CREB5: variants seen among roughly 807,000 people sequenced by gnomAD.
CREB5 encodes cAMP responsive element binding protein 5.
CREB5 carries 19 observed loss-of-function variants against 57.1 expected under a neutral mutation model. The ratio of observed to expected loss-of-function variants is 0.33; its 90% CI spans 0.23 to 0.49. The LOEUF (loss-of-function observed/expected upper bound fraction) is 0.49. Ranked by LOEUF, CREB5 falls within the 20% of genes least tolerant of loss-of-function variation. CREB5 has a pLI of 0.99. For synonymous variants in CREB5, 238 were observed against 238.3 expected (o/e 1.00, Z 0.01); for missense variants, 579 against 671.6 (o/e 0.86, Z 1.52).
chr7:28,634,535 A>G (rs868457349), intron 5 of CREB5, among the ~76,000 whole-genome samples: 11 of 152,236 alleles, frequency 7.2e-5, no homozygotes, highest in Middle Eastern at 6.8e-3. Flanking sequence ...GATGGCCACA[A>G]TTTCTCATGT....
At chr7:28,809,671 C>T (rs1470529632) in intron 9 of CREB5, among the ~76,000 whole-genome samples, 1 of 152,232 alleles carries the variant, frequency 6.6e-6, no homozygotes, top group Non-Finnish European at 1.5e-5. Flanking sequence ...GGTGGGAGAA[C>T]AGGCTTTAAT....
intron 1 of CREB5, among the ~76,000 whole-genome samples, chr7:28,482,711 G>GC (rs1190505612): frequency 6.6e-6 from 1 of 152,132 alleles, no homozygotes; most frequent in Non-Finnish European, 1.5e-5. Context: ...TAAAATTCAA[G>GC]CCCCCCTTTC....
At chr7:28,507,980 G>C (rs530331352) in intron 4 of CREB5, among the ~76,000 whole-genome samples, 1 of 152,176 alleles carries the variant, frequency 6.6e-6, no homozygotes, top group East Asian at 1.9e-4. Flanking sequence ...GTTTTACTTT[G>C]CTAAGTATTT....
intron 1 of CREB5, among the ~76,000 whole-genome samples, chr7:28,382,472 C>T (rs1418086841): frequency 6.6e-6 from 1 of 152,078 alleles, no homozygotes; most frequent in African/African-American, 2.4e-5. Flanking sequence ...TCTGAGTACC[C>T]CTTAACTCAG....
At chr7:28,304,249 T>G (rs192920197) in intron 1 of CREB5, among the ~76,000 whole-genome samples, 1 of 152,302 alleles carries the variant, frequency 6.6e-6, no homozygotes, top group East Asian at 1.9e-4. Context: ...CAAACTATTA[T>G]TTAAATAAAT....
intron 1 of CREB5, among the ~76,000 whole-genome samples, chr7:28,446,903 T>G (rs1789506739): frequency 6.6e-6 from 1 of 152,220 alleles, no homozygotes; most frequent in African/African-American, 2.4e-5. Flanking sequence ...CTAGATTGTG[T>G]GTATTGAAGT....
chr7:28,777,487 C>T (rs1014294105), intron 7 of CREB5, among the ~76,000 whole-genome samples: 7 of 152,138 alleles, frequency 4.6e-5, no homozygotes, highest in Non-Finnish European at 7.4e-5. Flanking sequence ...AAAAATACCA[C>T]CTGGTCTAAA....
chr7:28,448,302 T>C (rs1401715397), intron 1 of CREB5, among the ~76,000 whole-genome samples: 1 of 152,242 alleles, frequency 6.6e-6, no homozygotes. Flanking sequence ...AGTTAATACT[T>C]AATAAAGTTC....
intron 7 of CREB5, among the ~76,000 whole-genome samples, chr7:28,796,815 C>A (rs1025423638): frequency 6.6e-6 from 1 of 152,134 alleles, no homozygotes; most frequent in Non-Finnish European, 1.5e-5. Flanking sequence ...GCACATGGCG[C>A]TAAGTGGTTT....
intron 1 of CREB5, among the ~76,000 whole-genome samples, chr7:28,337,434 T>C (rs1785846173): frequency 6.6e-6 from 1 of 152,150 alleles, no homozygotes; most frequent in Admixed American, 6.5e-5. Context: ...TTGACTCCTT[T>C]ATCATTATAT....
At chr7:28,551,833 CTTTCTTTCTTTTTCTTTCTTTCT>C (rs1395806195) in intron 4 of CREB5, among the ~76,000 whole-genome samples, 2 of 149,028 alleles carry the variant, frequency 1.3e-5, no homozygotes, top group East Asian at 2.0e-4. Flanking sequence ...TTCTTTCTTT[CTTTCTTTCTTTTTCTTTCTTTCT>C]TTTCTTTCTT....
chr7:28,548,654 C>A (rs902288838), intron 4 of CREB5, among the ~76,000 whole-genome samples: 1 of 152,178 alleles, frequency 6.6e-6, no homozygotes, highest in African/African-American at 2.4e-5. Context: ...AATTTTCAAG[C>A]CATTGGAATC....
chr7:28,664,862 C>T (rs1799757870), intron 5 of CREB5, among the ~76,000 whole-genome samples: 1 of 152,140 alleles, frequency 6.6e-6, no homozygotes. Context: ...GTAGTGTATT[C>T]TCCCAGAAGT....
chr7:28,486,132 G>T (rs1791535853), intron 1 of CREB5, among the ~76,000 whole-genome samples: 1 of 152,098 alleles, frequency 6.6e-6, no homozygotes, highest in Non-Finnish European at 1.5e-5. Context: ...GTGAAAGCTG[G>T]ATAATTGTGA....
At chr7:28,566,904 G>T (rs1258471344) in intron 4 of CREB5, among the ~76,000 whole-genome samples, 1 of 152,188 alleles carries the variant, frequency 6.6e-6, no homozygotes, top group East Asian at 1.9e-4. Context: ...TGATGAAGGA[G>T]AGTGTTGGAT....
intron 7 of CREB5, among the ~76,000 whole-genome samples, chr7:28,729,106 G>A (rs1803478184): frequency 6.6e-6 from 1 of 152,144 alleles, no homozygotes; most frequent in Non-Finnish European, 1.5e-5. Context: ...AGATACCTAA[G>A]TACATGCATT....
chr7:28,719,532 C>T (rs1484422246), intron 6 of CREB5, among the ~76,000 whole-genome samples: 3 of 152,154 alleles, frequency 2.0e-5, no homozygotes, highest in Non-Finnish European at 1.5e-5. Context: ...TTCTAGAGCC[C>T]ACTCTCTTAA....
chr7:28,792,266 C>T (rs192561385), intron 7 of CREB5, among the ~76,000 whole-genome samples: 38 of 151,674 alleles, frequency 2.5e-4, no homozygotes, highest in Admixed American at 5.2e-4. Flanking sequence ...ATCACACCAC[C>T]GCATTCCAGC....
intron 1 of CREB5, among the ~76,000 whole-genome samples, chr7:28,453,005 A>T (rs1323778607): frequency 6.6e-6 from 1 of 152,236 alleles, no homozygotes; most frequent in African/African-American, 2.4e-5. Context: ...GCAGCCCGAC[A>T]TGGGTGCCTT....
Sources: allele counts gnomAD v4.1 joint callset (sites outside exome capture counted in the v4.1 genomes callset), GRCh38; gene constraint gnomAD v4.1.1; transcripts MANE v1.5; gene names NCBI Gene and HGNC (gene_info 2026-07-23, HGNC 2026-07-21).